Variants in TTLL5 observed in about 807,000 individuals in gnomAD.
TTLL5 encodes the protein tubulin polyglutamylase TTLL5.
A neutral mutation model predicts 168.4 loss-of-function variants in TTLL5; 132 were observed. That is an observed-to-expected ratio of 0.78 (90% CI 0.68 to 0.91). The LOEUF (loss-of-function observed/expected upper bound fraction) is 0.91. Ranked by LOEUF, TTLL5 falls within the 40% of genes least tolerant of loss-of-function variation. TTLL5 has a pLI of 0.00. For synonymous variants in TTLL5, 546 were observed against 558.6 expected (o/e 0.98, Z 0.32); for missense variants, 1,545 against 1,581.5 (o/e 0.98, Z 0.39).
chr14:75,725,199 A>G (rs1468093680), intron 12 of TTLL5, among the ~76,000 whole-genome samples: 2 of 152,210 alleles, frequency 1.3e-5, no homozygotes, highest in Non-Finnish European at 1.5e-5. Flanking sequence ...GGGTAACCTG[A>G]GGTTCTTATA....
intron 18 of TTLL5, among the ~76,000 whole-genome samples, chr14:75,759,951 A>G (rs750445458): frequency 9.9e-5 from 15 of 152,096 alleles, no homozygotes; most frequent in Non-Finnish European, 1.9e-4. Context: ...ATGATTTGTA[A>G]TAGGGCAAGA....
intron 29 of TTLL5, among the ~76,000 whole-genome samples, chr14:75,872,670 G>T (rs2031130548): frequency 1.3e-5 from 2 of 152,148 alleles, no homozygotes; most frequent in Non-Finnish European, 2.9e-5. Flanking sequence ...AGCACTATGG[G>T]AGGCTGAGAT....
In TTLL5 at chr14:75,793,159, G is replaced by T. The variant is rs1234416893; in HGVS notation, c.3171+59G>T. 5 of 1,430,746 alleles carry T rather than the reference G, an allele frequency of 3.5e-6. No homozygotes were observed. In the East Asian group the frequency reaches 9.4e-5, roughly 27 times the overall value. 88.6% of individuals were successfully genotyped at this position (1,430,746 alleles called of 1,614,324 possible). On this transcript the variant is annotated intron_variant, in intron 27 of 31. Transcript: ENST00000298832. ...GGACCTGAGGATAGAATTAATGACA[G>T]GGTACTTTGTCTTTCCCTGTCTTTA... is the stretch of plus-strand genomic sequence containing the variant.
At chr14:75,811,157 G>GAGAGTGTGTA (rs1555347973) in intron 27 of TTLL5, among the ~76,000 whole-genome samples, 1 of 2,040 alleles carries the variant, frequency 4.9e-4, no homozygotes, top group Non-Finnish European at 1.2e-3. Flanking sequence ...GAAAGAAAGA[G>GAGAGTGTGTA]TGTGTGTGTG....
chr14:75,773,088 C>A (rs1200505995), intron 21 of TTLL5, among the ~76,000 whole-genome samples: 1 of 152,142 alleles, frequency 6.6e-6, no homozygotes, highest in African/African-American at 2.4e-5. Flanking sequence ...CCTCCACATA[C>A]AAAAGGCAAG....
intron 29 of TTLL5, among the ~76,000 whole-genome samples, chr14:75,865,908 CAG>C (rs2030477225): frequency 6.6e-6 from 1 of 152,160 alleles, no homozygotes; most frequent in African/African-American, 2.4e-5. Context: ...GGAGAGCAAA[CAG>C]AAAATCATTC....
At chr14:75,902,452 A>T (rs1396214117) in intron 31 of TTLL5, 4 of 673,584 alleles carry the variant, frequency 5.9e-6, no homozygotes, top group African/African-American at 1.8e-5. Context: ...AAACCTCGCC[A>T]TCTTATAAAA....
At chr14:75,799,490 C>G (rs1052002258) in intron 27 of TTLL5, among the ~76,000 whole-genome samples, 1 of 152,114 alleles carries the variant, frequency 6.6e-6, no homozygotes, top group Non-Finnish European at 1.5e-5. Context: ...ATGTGAGGCA[C>G]TATTCTGTTC....
intron 4 of TTLL5, among the ~76,000 whole-genome samples, chr14:75,683,143 CTTA>C (rs914366343): frequency 6.6e-6 from 1 of 152,068 alleles, no homozygotes; most frequent in Non-Finnish European, 1.5e-5. Flanking sequence ...AACATGGCGC[CTTA>C]TTGTTGAATT....
intron 2 of TTLL5, among the ~76,000 whole-genome samples, chr14:75,667,851 C>T (rs1409798417): frequency 2.0e-5 from 3 of 151,042 alleles, no homozygotes. Context: ...ACCTCCGCCT[C>T]CCAGGTTCAA....
intron 29 of TTLL5, among the ~76,000 whole-genome samples, chr14:75,864,105 C>T (rs766542644): frequency 4.6e-5 from 7 of 151,674 alleles, no homozygotes; most frequent in Non-Finnish European, 4.4e-5. Flanking sequence ...CATTTGAATG[C>T]TTCTATACAA....
Position 75,683,617 on chromosome 14 carries a change from G to A in TTLL5, c.332G>A (p.Arg111His), listed in dbSNP as rs151197710. 32 of 1,613,756 alleles carry A rather than the reference G, an allele frequency of 2.0e-5. No homozygotes were observed. Among genetic ancestry groups the A allele is most frequent in the Middle Eastern group, 1.6e-4 (1 of 6,080 alleles). ...TCCCACCTGAAGCCCTTCTTACTGC[G>A]CACCCTCTCTGAAGCACAAAAAGTT... Reference protein sequence around the residue: ...TGSHLKPFLLRTLSEAQKVNH... With the variant: ...TGSHLKPFLLHTLSEAQKVNH... The change falls in exon 5 of 32, where the codon CGC (arginine) becomes CAC (histidine). Residue 111 changes from arginine (R) to histidine (H), a missense_variant. Arg to His is a conservative substitution (Grantham distance 29, BLOSUM62 0). Transcript: ENST00000298832.
chr14:75,801,658 T>C (rs1473595235), intron 27 of TTLL5, among the ~76,000 whole-genome samples: 1 of 152,212 alleles, frequency 6.6e-6, no homozygotes, highest in African/African-American at 2.4e-5. Flanking sequence ...TATTCAACCC[T>C]TTCCCTTCAG....
chr14:75,792,279 G>A (rs1340930257), intron 26 of TTLL5, among the ~76,000 whole-genome samples: 2 of 150,570 alleles, frequency 1.3e-5, no homozygotes, highest in Non-Finnish European at 3.0e-5. Flanking sequence ...TGTAAATGAC[G>A]AGTTAATGGG....
chr14:75,700,412 A>G (rs1886183883), intron 7 of TTLL5, among the ~76,000 whole-genome samples: 1 of 152,222 alleles, frequency 6.6e-6, no homozygotes, highest in African/African-American at 2.4e-5. Flanking sequence ...TTTAACTGGT[A>G]TATGACCTTC....
chr14:75,792,799 A>G (rs879802941), intron 26 of TTLL5, 117 bp from the exon 27 acceptor site: 64 of 828,018 alleles, frequency 7.7e-5, no homozygotes, highest in Non-Finnish European at 1.0e-4. Flanking sequence ...CTCCTATATT[A>G]TTAAAGATCC....
At position 75,779,592 on chromosome 14, in the gene TTLL5, A is replaced by C; in HGVS notation, c.2405A>C (p.Glu802Ala). The C allele has an allele frequency of 6.8e-6, 11 of 1,613,462 alleles. No individual in the cohort carries two copies. Among genetic ancestry groups the C allele is most frequent in the Non-Finnish European group, 9.3e-6 (11 of 1,179,788 alleles). The change falls in exon 24 of 32, where the codon GAG becomes GCG. Residue 802 changes from glutamate to alanine, a missense_variant. Coordinates refer to ENST00000298832, the MANE Select transcript of TTLL5 (RefSeq NM_015072.5). ...CATTTCAGTGAGGCTGAACTGGAGGAGGTGTTGACTTTTTATACCCAAAAG... is the reference window on the plus strand; with the variant it reads ...CATTTCAGTGAGGCTGAACTGGAGGCGGTGTTGACTTTTTATACCCAAAAG... ...IRQASEAELE[E>A]VLTFYTQKNK...
intron 29 of TTLL5, 137 bp from the exon 30 acceptor site, chr14:75,882,548 G>A: frequency 5.7e-6 from 4 of 700,568 alleles, no homozygotes; most frequent in Non-Finnish European, 9.2e-6. Context: ...CAACATTAGA[G>A]AAGTTTTTCC....
At chr14:75,897,206 A>G (rs1202586528) in intron 30 of TTLL5, among the ~76,000 whole-genome samples, 1 of 152,146 alleles carries the variant, frequency 6.6e-6, no homozygotes, top group Non-Finnish European at 1.5e-5. Flanking sequence ...CAAGATGAGT[A>G]GATAGATGTG....
Sources: allele counts gnomAD v4.1 joint callset (sites outside exome capture counted in the v4.1 genomes callset), GRCh38; gene constraint gnomAD v4.1.1; transcripts MANE v1.5; gene names NCBI Gene and HGNC (gene_info 2026-07-23, HGNC 2026-07-21).